Variants in ADGRE3 observed in about 807,000 individuals in gnomAD.
The protein encoded by ADGRE3 is adhesion G protein-coupled receptor E3, also known as EGF-like module receptor 3.
In ADGRE3, 88 loss-of-function variants were observed where a neutral mutation model predicts 80.1. The ratio of observed to expected loss-of-function variants is 1.10; its 90% CI spans 0.93 to 1.31. The LOEUF (loss-of-function observed/expected upper bound fraction) is 1.31. ADGRE3 is among the 40% of genes most tolerant of loss of function. ADGRE3 has a pLI of 0.00. For missense variants in ADGRE3, 715 were observed against 776.5 expected, an observed-to-expected ratio of 0.92 and a Z score of 0.94; for synonymous variants, 281 against 294.8, an observed-to-expected ratio of 0.95 and a Z score of 0.48.
intron 8 of ADGRE3, among the ~76,000 whole-genome samples, chr19:14,646,787 TTCC>T (rs1329362350): frequency 1.3e-5 from 2 of 151,054 alleles, no homozygotes; most frequent in African/African-American, 2.4e-5. Context: ...TTTCTTCTTC[TTCC>T]GACAGTGTCT....
At position 14,630,132 on chromosome 19, in the gene ADGRE3, A is replaced by G; in HGVS notation, c.1719T>C (p.Gly573=). 1 of 1,613,616 alleles carries G rather than the reference A, an allele frequency of 6.2e-7. No homozygotes were observed. Among genetic ancestry groups the G allele is most frequent in the Non-Finnish European group, 8.5e-7 (1 of 1,179,676 alleles). ...CTWCLGLLQV[G]PAAQVMAYLF... ...GGTAGGCCATGACCTGGGCAGCTGG[A>G]CCCACCTGTAGCAAGCCCAGACACC... is the stretch of plus-strand genomic sequence containing the variant. Residue 573 remains glycine (G), a synonymous_variant, in exon 14 of 16, where the codon GGT becomes GGC. Coordinates refer to ENST00000253673, the MANE Select transcript of ADGRE3 (RefSeq NM_032571.5).
At chr19:14,633,776 CTT>C (rs201616276) in intron 11 of ADGRE3, among the ~76,000 whole-genome samples, 11 of 109,512 alleles carry the variant, frequency 1.0e-4, no homozygotes, top group Non-Finnish European at 1.3e-4. Flanking sequence ...ATGACAATAG[CTT>C]TTTTTTTTTT....
chr19:14,644,177 G>T lies in ADGRE3; in HGVS notation c.981C>A (p.Asn327Lys). 6.2e-7 allele frequency: 1 copy of T among 1,609,418 alleles called. No individual in the cohort carries two copies. Among genetic ancestry groups the T allele is most frequent in the South Asian group, 1.1e-5 (1 of 90,348 alleles). The part of the protein sequence containing the change: ...SRDGCFLIHV[N>K]KSHTMCNCSH... ...TGCAATTACACATGGTGTGACTCTT[G>T]TTCACGTGTATCAGGAAGCAGCCAT... The change falls in exon 9 of 16, where the codon AAC becomes AAA. Residue 327 changes from asparagine to lysine, a missense_variant. Physicochemically the swap from Asn to Lys is moderately conservative, Grantham distance 94. Transcript: ENST00000253673.
intron 7 of ADGRE3, 40 bp downstream of exon 7, chr19:14,651,045 G>A: frequency 3.7e-6 from 6 of 1,611,416 alleles, no homozygotes; most frequent in Non-Finnish European, 3.4e-6. Flanking sequence ...CAATGACATG[G>A]CTCTGTGTGA....
chr19:14,621,466 A>G (rs1970606162), intron 15 of ADGRE3, among the ~76,000 whole-genome samples: 2 of 151,834 alleles, frequency 1.3e-5, no homozygotes, highest in African/African-American at 4.8e-5. Context: ...GAAAAAAAAA[A>G]AAGTGAAAAG....
intron 7 of ADGRE3, 135 bp downstream of exon 7, chr19:14,650,950 A>C: frequency 1.4e-6 from 1 of 737,160 alleles, no homozygotes; most frequent in South Asian, 2.4e-5. Flanking sequence ...TTTTTTTTTT[A>C]AAGGGAAAAT....
At chr19:14,631,966 A>T (rs1480099805) in intron 13 of ADGRE3, among the ~76,000 whole-genome samples, 24 of 152,176 alleles carry the variant, frequency 1.6e-4, no homozygotes. Context: ...TCTTATTTTT[A>T]TGATTAAAAT....
chr19:14,659,822 GAAAAAAAAAAAA>G (rs66908687), intron 4 of ADGRE3, among the ~76,000 whole-genome samples: 3 of 44,840 alleles, frequency 6.7e-5, no homozygotes, highest in South Asian at 1.0e-3. Context: ...CTCTGCCTCT[GAAAAAAAAAAAA>G]AAAAAAAAAA....
chr19:14,674,186 G>C (rs1972328654), intron 1 of ADGRE3, among the ~76,000 whole-genome samples: 1 of 152,124 alleles, frequency 6.6e-6, no homozygotes. Flanking sequence ...AACAAAACTT[G>C]CCAAGAGGAA....
chr19:14,658,506 C>T lies in ADGRE3; in HGVS notation c.393+7G>A, dbSNP rs746357170. ...TGGGAAGGGTCTGGGGATCAGCCTC[C>T]ACTCACCTCTTTCCTGCCCTCGGTT... On this transcript the variant is annotated splice_region_variant and intron_variant, in intron 5 of 15. Coordinates refer to ENST00000253673, the MANE Select transcript of ADGRE3 (RefSeq NM_032571.5). The T allele has an allele frequency of 3.2e-6, 5 of 1,559,574 alleles. No individual in the cohort carries two copies. The Admixed American group carries it at 9.1e-5, about 28-fold the overall frequency.
chr19:14,663,228 C>T (rs1972001153), intron 3 of ADGRE3, among the ~76,000 whole-genome samples, 190 bp downstream of exon 3: 1 of 151,886 alleles, frequency 6.6e-6, no homozygotes, highest in Admixed American at 6.6e-5. Context: ...GTCTCGAACT[C>T]CTGACCTCAA....
chr19:14,659,043 C>CTT (rs35454655), intron 4 of ADGRE3, among the ~76,000 whole-genome samples: 41 of 142,742 alleles, frequency 2.9e-4, no homozygotes, highest in African/African-American at 8.1e-4. Context: ...TTTTTTTTCC[C>CTT]TTTTTTTTTT....
intron 14 of ADGRE3, among the ~76,000 whole-genome samples, chr19:14,628,989 C>T (rs1970805597): frequency 6.6e-6 from 1 of 151,902 alleles, no homozygotes. Context: ...GTGGTGCGAT[C>T]TCGGCTCACT....
At chr19:14,632,489 G>A (rs1220787736) in intron 13 of ADGRE3, among the ~76,000 whole-genome samples, 1 of 152,088 alleles carries the variant, frequency 6.6e-6, no homozygotes, top group African/African-American at 2.4e-5. Flanking sequence ...ATGTGACAAA[G>A]ATCAGCCAAT....
Position 14,651,085 on chromosome 19 carries a change from C to G in ADGRE3, c.697G>C (p.Gly233Arg). ...CSDIIQGDTQ[G>R]PSAIAFISYS... ...TTCTGAATGCAGCCATCAGGCATACCTTGTGTGTCTCCCTGGATGATGTCA... is the reference window on the plus strand; with the variant it reads ...TTCTGAATGCAGCCATCAGGCATACGTTGTGTGTCTCCCTGGATGATGTCA... The change falls in exon 7 of 16, where the codon GGT becomes CGT. Residue 233 changes from glycine to arginine, a missense_variant and splice_region_variant. Physicochemically the swap from Gly to Arg is moderately radical, Grantham distance 125. Coordinates refer to ENST00000253673, the MANE Select transcript of ADGRE3 (RefSeq NM_032571.5). The G allele has an allele frequency of 6.2e-7, 1 of 1,614,026 alleles. No individual in the cohort carries two copies. Among genetic ancestry groups the G allele is most frequent in the East Asian group, 2.2e-5 (1 of 44,874 alleles).
At chr19:14,654,928 G>T in intron 6 of ADGRE3, 54 bp downstream of exon 6, 2 of 1,447,042 alleles carry the variant, frequency 1.4e-6, no homozygotes, top group Non-Finnish European at 1.9e-6. Flanking sequence ...GCCTAACCCA[G>T]ATCCCAGCTG....
intron 2 of ADGRE3, among the ~76,000 whole-genome samples, chr19:14,664,525 G>A (rs1972038931): frequency 6.6e-6 from 1 of 152,014 alleles, no homozygotes; most frequent in Non-Finnish European, 1.5e-5. Flanking sequence ...GGGTAACATA[G>A]CAAGACACTA....
chr19:14,617,341 C>CCTCCCTCT, downstream of ADGRE3, among the ~76,000 whole-genome samples: 296 of 57,258 alleles, frequency 5.2e-3, 4 homozygotes, highest in African/African-American at 0.012. Flanking sequence ...TCCCTCCCTC[C>CCTCCCTCT]CTTTCTTTCT....
At chr19:14,667,297 C>G (rs1014910010) in intron 2 of ADGRE3, among the ~76,000 whole-genome samples, 1 of 151,680 alleles carries the variant, frequency 6.6e-6, no homozygotes, top group African/African-American at 2.4e-5. Context: ...CCAGTAAAAT[C>G]TACCTTGCTC....
Sources: gnomAD v4.1 joint callset for allele counts (sites outside exome capture counted in the v4.1 genomes callset) on GRCh38, gnomAD v4.1.1 for gene constraint, MANE v1.5 for transcripts, NCBI Gene and HGNC (gene_info 2026-07-23, HGNC 2026-07-21) for gene names.